Variants in CYP2C8 observed in about 807,000 individuals in gnomAD.
CYP2C8 encodes the protein cytochrome P450 family 2 subfamily C member 8, also known as cytochrome P450 2C8.
A neutral mutation model predicts 41.3 loss-of-function variants in CYP2C8; 51 were observed. That is an observed-to-expected ratio of 1.24 (90% CI 0.99 to 1.56). The LOEUF is 1.56. CYP2C8 is among the 40% of genes most tolerant of loss of function. CYP2C8 has a pLI of 0.00. For synonymous variants in CYP2C8, 218 were observed against 205.8 expected (o/e 1.06, Z -0.51); for missense variants, 651 against 579.9 (o/e 1.12, Z -1.26).
chr10:95,041,110 T>C lies in CYP2C8; in HGVS notation c.1149+1780A>G, dbSNP rs183247797. On this transcript the variant is annotated intron_variant, in intron 7 of 8. Coordinates refer to ENST00000371270, the MANE Select transcript of CYP2C8 (RefSeq NM_000770.3). The stretch of plus-strand genomic sequence containing the variant: ...GATGTGAGGCCAGTATATACAATCA[T>C]ATAAATAGATGCAGAGAATCAATTT... The C allele has an allele frequency of 2.2e-3, 697 of 320,890 alleles. 5 individuals are homozygous for C. Among genetic ancestry groups the C allele is most frequent in the Non-Finnish European group, 3.3e-3 (524 of 159,474 alleles). 19.9% of individuals were successfully genotyped at this position (320,890 alleles called of 1,614,324 possible).
Position 95,037,840 on chromosome 10 carries a change from AT to A in CYP2C8, c.1292-532del, listed in dbSNP as rs11572173. 3.6e-3 allele frequency among the ~76,000 whole-genome samples: 546 copies of A among 152,326 alleles called. 2 individuals carry two copies. Among genetic ancestry groups the A allele is most frequent in the African/African-American group, 0.013 (528 of 41,572 alleles). On this transcript the variant is annotated intron_variant, in intron 8 of 8. Transcript: ENST00000371270. ...TTCATTTTGGCTAAGATACATCTTT[AT>A]TAGGCTACATTCAGGACATAGGTTC...
At chr10:95,045,398 C>T (rs1430490062) in intron 6 of CYP2C8, among the ~76,000 whole-genome samples, 2 of 152,130 alleles carry the variant, frequency 1.3e-5, no homozygotes, top group East Asian at 3.8e-4. Context: ...TCCACTTATG[C>T]TTCAATAAAG....
At chr10:95,045,134 A>C (rs1360040324) in intron 6 of CYP2C8, among the ~76,000 whole-genome samples, 1 of 152,242 alleles carries the variant, frequency 6.6e-6, no homozygotes. Flanking sequence ...AATTCTAAGG[A>C]AATGTAGAGT....
intron 4 of CYP2C8, among the ~76,000 whole-genome samples, chr10:95,063,302 A>C (rs1281291005): frequency 6.6e-6 from 1 of 152,130 alleles, no homozygotes; most frequent in Non-Finnish European, 1.5e-5. Flanking sequence ...TGGTCTTTTC[A>C]CATAGTCCCA....
chr10:95,064,768 G>T (rs752640490), intron 4 of CYP2C8, 32 bp downstream of exon 4: 16 of 1,603,004 alleles, frequency 1.0e-5, no homozygotes, highest in Non-Finnish European at 1.4e-5. Context: ...TTGAATAAAT[G>T]GTTTCCAAGG....
chr10:95,054,875 T>C (rs1308470833), intron 5 of CYP2C8, among the ~76,000 whole-genome samples: 2 of 152,012 alleles, frequency 1.3e-5, no homozygotes, highest in Non-Finnish European at 2.9e-5. Context: ...AACTATGAAA[T>C]GTTGCTTAGA....
rs191897566 is a variant in CYP2C8, at chr10:95,064,222, G to A, written c.642+578C>T. On this transcript the variant is annotated intron_variant, in intron 4 of 8. Transcript: ENST00000371270. ...CTTTTGTTCAGCTATGCCCTGCCCC[G>A]AGAAGTGGATTCTACAGAGGCAGGC... Among the ~76,000 whole-genome samples the A allele has an allele frequency of 3.0e-4, 46 of 152,302 alleles. 1 individual carries two copies. The highest frequency in any genetic ancestry group is 8.3e-4 in the South Asian group (4 of 4,824).
intron 5 of CYP2C8, among the ~76,000 whole-genome samples, chr10:95,049,259 G>T (rs1212476743): frequency 4.6e-5 from 7 of 152,068 alleles, no homozygotes; most frequent in Admixed American, 3.9e-4. Flanking sequence ...AAAGACATCA[G>T]TTTAACAGCT....
chr10:95,068,442 C>A (rs964243762), intron 1 of CYP2C8: 2 of 436,570 alleles, frequency 4.6e-6, no homozygotes, highest in African/African-American at 2.1e-5. Context: ...TTCTTTCATG[C>A]ACTTATGTTT....
At chr10:95,040,983 GA>G (rs1261045390) in intron 7 of CYP2C8, 1 of 456,134 alleles carries the variant, frequency 2.2e-6, no homozygotes, top group Non-Finnish European at 4.4e-6. Flanking sequence ...TTTTGAGGAA[GA>G]AAAATTGCAG....
chr10:95,038,851 AG>A, intron 8 of CYP2C8, 45 bp downstream of exon 8: 2 of 1,601,822 alleles, frequency 1.2e-6, no homozygotes, highest in Admixed American at 1.7e-5. Flanking sequence ...AATTCCAAAA[AG>A]TTCTCTCTTT....
At chr10:95,063,510 C>A (rs2033486753) in intron 4 of CYP2C8, among the ~76,000 whole-genome samples, 1 of 152,188 alleles carries the variant, frequency 6.6e-6, no homozygotes, top group Non-Finnish European at 1.5e-5. Flanking sequence ...AAGGACTTCT[C>A]TGCATTGGTT....
intron 3 of CYP2C8, among the ~76,000 whole-genome samples, chr10:95,065,726 G>C (rs1422080562): frequency 1.3e-5 from 2 of 152,046 alleles, no homozygotes; most frequent in Non-Finnish European, 2.9e-5. Flanking sequence ...TACTCTTGTG[G>C]ATTCTGGGAT....
At chr10:95,068,468 ATATT>A in intron 1 of CYP2C8, 1 of 595,576 alleles carries the variant, frequency 1.7e-6, no homozygotes, top group Admixed American at 2.6e-5. Context: ...GAACCCACAG[ATATT>A]TATTTCACAT....
chr10:95,046,092 G>A (rs2033104240), intron 5 of CYP2C8, 141 bp from the exon 6 acceptor site: 1 of 888,064 alleles, frequency 1.1e-6, no homozygotes, highest in South Asian at 1.7e-5. Flanking sequence ...CAACTGTGTG[G>A]TATGGCAGAA....
intron 4 of CYP2C8, among the ~76,000 whole-genome samples, chr10:95,062,212 G>A (rs375366221): frequency 6.6e-5 from 10 of 152,170 alleles, no homozygotes; most frequent in South Asian, 4.2e-4. Flanking sequence ...TTTCTGTCTC[G>A]TTGATCTGTC....
chr10:95,059,296 C>A (rs1322231483), intron 4 of CYP2C8, among the ~76,000 whole-genome samples: 1 of 152,216 alleles, frequency 6.6e-6, no homozygotes, highest in East Asian at 1.9e-4. Flanking sequence ...CACATCCTCT[C>A]CAGAACCTGT....
intron 4 of CYP2C8, 103 bp from the exon 5 acceptor site, chr10:95,058,614 T>C (rs970228189): frequency 9.3e-7 from 1 of 1,076,934 alleles, no homozygotes; most frequent in Non-Finnish European, 1.3e-6. Flanking sequence ...TAAGACATCA[T>C]GTCCATTTTG....
At position 95,064,872 on chromosome 10, in the gene CYP2C8, T is replaced by C; in HGVS notation, c.570A>G (p.Lys190=). 6.2e-7 allele frequency: 1 copy of C among 1,613,980 alleles called. No individual in the cohort carries two copies. Among genetic ancestry groups the C allele is most frequent in the Non-Finnish European group, 8.5e-7 (1 of 1,179,970 alleles). Reference sequence around the variant, plus strand: ...TCATCAGGGTGAGAAAATTCTGATCTTTATAATCAAATCGTTTCTGGAAAA... The same window carrying C: ...TCATCAGGGTGAGAAAATTCTGATCCTTATAATCAAATCGTTTCTGGAAAA... ...SVVFQKRFDY[K]DQNFLTLMKR... is the part of the protein sequence containing the mutation. The change falls in exon 4 of 9, where the codon AAA becomes AAG. Residue 190 remains lysine, a synonymous_variant. Coordinates refer to ENST00000371270, the MANE Select transcript of CYP2C8 (RefSeq NM_000770.3).
Sources: gnomAD v4.1 joint callset for allele counts (sites outside exome capture counted in the v4.1 genomes callset) on GRCh38, gnomAD v4.1.1 for gene constraint, MANE v1.5 for transcripts, NCBI Gene and HGNC (gene_info 2026-07-23, HGNC 2026-07-21) for gene names.